The following NBAS variants were observed in gnomAD, a reference collection of about 807,000 sequenced individuals.
The protein encoded by NBAS is NAG/BC035112 fusion.
NBAS carries 219 observed loss-of-function variants against 302.5 expected under a neutral mutation model. That is an observed-to-expected ratio of 0.72 (90% CI 0.65 to 0.81). The LOEUF is 0.81. Ranked by LOEUF, NBAS falls within the 30% of genes least tolerant of loss-of-function variation. NBAS has a pLI of 0.00. For missense variants in NBAS, 2,932 were observed against 2,841.6 expected (o/e 1.03, Z -0.72); for synonymous variants, 1,118 against 1,021.6 (o/e 1.09, Z -1.80).
chr2:14,843,581 CAA>C, the NBAS span, among the ~76,000 whole-genome samples: 1 of 150,384 alleles, frequency 6.6e-6, no homozygotes, highest in African/African-American at 2.5e-5. Flanking sequence ...CACACACACA[CAA>C]AAATACCTTC....
At chr2:15,475,922 T>C (rs374186287) in intron 13 of NBAS, 42 bp from the exon 14 acceptor site, 1 of 1,480,612 alleles carries the variant, frequency 6.8e-7, no homozygotes. Flanking sequence ...CATCTGCTAA[T>C]GTGGTTTAAA....
chr2:15,346,326 A>T (rs1019269361), intron 35 of NBAS, among the ~76,000 whole-genome samples: 3 of 152,158 alleles, frequency 2.0e-5, no homozygotes, highest in Non-Finnish European at 4.4e-5. Flanking sequence ...AAACAACCCC[A>T]TCAAAAAGTG....
At chr2:14,937,099 A>G in the NBAS span, among the ~76,000 whole-genome samples, 3 of 152,358 alleles carry the variant, frequency 2.0e-5, no homozygotes, top group South Asian at 2.1e-4. Flanking sequence ...CAGAAAAAAC[A>G]TAACACAGCA....
rs1292785547 is a variant in NBAS, at chr2:15,553,409, A to C, written c.335+17T>G. On this transcript the variant is annotated intron_variant, in intron 5 of 51. Coordinates refer to ENST00000281513, the MANE Select transcript of NBAS (RefSeq NM_015909.4). Reference sequence around the variant, plus strand: ...TTCTCAAAGGAAATCTTGAATATGAATAATATTAACAATTACCTGATTTCC... The same window carrying C: ...TTCTCAAAGGAAATCTTGAATATGACTAATATTAACAATTACCTGATTTCC... The C allele has an allele frequency of 2.5e-6, 4 of 1,591,990 alleles. No individual in the cohort carries two copies. In the African/African-American group the frequency reaches 5.4e-5, roughly 21 times the overall value.
At chr2:15,262,621 T>C (rs979306183) in intron 44 of NBAS, among the ~76,000 whole-genome samples, 4 of 152,206 alleles carry the variant, frequency 2.6e-5, no homozygotes, top group African/African-American at 9.6e-5. Flanking sequence ...TAGCTTATGA[T>C]GTGTCTAAGA....
the NBAS span, among the ~76,000 whole-genome samples, chr2:14,935,951 T>G: frequency 2.6e-5 from 4 of 152,128 alleles, no homozygotes; most frequent in Admixed American, 2.0e-4. Flanking sequence ...AGCAGGAGTC[T>G]CAGTAGAACA....
At chr2:15,049,100 CT>C in the NBAS span, among the ~76,000 whole-genome samples, 1 of 148,924 alleles carries the variant, frequency 6.7e-6, no homozygotes, top group African/African-American at 2.5e-5. Flanking sequence ...TTGTGAACTG[CT>C]CGCTGCCGCT....
chr2:15,172,017 C>T (rs1168715019), intron 51 of NBAS, among the ~76,000 whole-genome samples: 3 of 152,182 alleles, frequency 2.0e-5, no homozygotes, highest in Non-Finnish European at 4.4e-5. Flanking sequence ...CAAATTAATA[C>T]ATCAGGCAAA....
intron 35 of NBAS, among the ~76,000 whole-genome samples, chr2:15,348,704 A>G (rs908570846): frequency 4.9e-5 from 7 of 144,272 alleles, no homozygotes; most frequent in Middle Eastern, 3.7e-3. Flanking sequence ...TCATTTTAGG[A>G]AAAAAAAAAA....
At chr2:15,286,243 AC>A (rs910997014) in intron 42 of NBAS, among the ~76,000 whole-genome samples, 1 of 152,134 alleles carries the variant, frequency 6.6e-6, no homozygotes, top group African/African-American at 2.4e-5. Context: ...GCCGTCTGTT[AC>A]CATAAAAGCT....
the NBAS span, among the ~76,000 whole-genome samples, chr2:15,107,974 A>G: frequency 2.0e-5 from 3 of 152,200 alleles, no homozygotes; most frequent in South Asian, 6.2e-4. Context: ...TTCCCTCAGC[A>G]TAATGTTTCT....
At chr2:15,456,293 T>C (rs774926281) in intron 21 of NBAS, among the ~76,000 whole-genome samples, 4 of 152,232 alleles carry the variant, frequency 2.6e-5, no homozygotes, top group Non-Finnish European at 2.9e-5. Flanking sequence ...CAAATGTTGG[T>C]TAAATGCCAA....
the NBAS span, among the ~76,000 whole-genome samples, chr2:15,103,924 T>G: frequency 6.6e-6 from 1 of 152,190 alleles, no homozygotes; most frequent in South Asian, 2.1e-4. Flanking sequence ...TTTTCTTTCA[T>G]GCTAAATTGT....
chr2:15,133,824 T>C, the NBAS span, among the ~76,000 whole-genome samples: 1 of 152,122 alleles, frequency 6.6e-6, no homozygotes, highest in East Asian at 1.9e-4. Flanking sequence ...AGTGAAGCCA[T>C]GGTTATTTCT....
chr2:14,888,455 C>CT, the NBAS span, among the ~76,000 whole-genome samples: 5,486 of 144,858 alleles, frequency 0.038, 325 homozygotes, highest in African/African-American at 0.13. Context: ...CCGGCCCCCC[C>CT]TTTTTTTTTT....
In NBAS at chr2:15,387,649, T is replaced by TC. The variant is rs11408370; in HGVS notation, c.3258-4333_3258-4332insG. On this transcript the variant is annotated intron_variant, in intron 28 of 51. Coordinates refer to ENST00000281513, the MANE Select transcript of NBAS (RefSeq NM_015909.4). ...TTCATCTGGAAATTATTTTTTTTTT[T>TC]AAGACAGTGTCTTACTCTGTTGCCC... Among the ~76,000 whole-genome samples the TC allele has an allele frequency of 1.9e-3, 294 of 151,938 alleles. 1 individual carries two copies. Among genetic ancestry groups the TC allele is most frequent in the African/African-American group, 6.9e-3 (284 of 41,424 alleles).
chr2:14,848,080 AT>A, the NBAS span, among the ~76,000 whole-genome samples: 1 of 152,174 alleles, frequency 6.6e-6, no homozygotes, highest in East Asian at 1.9e-4. Flanking sequence ...AGGAGCCAAG[AT>A]GGCCGAATAG....
At chr2:15,421,031 G>A (rs1040987939) in intron 23 of NBAS, among the ~76,000 whole-genome samples, 2 of 151,966 alleles carry the variant, frequency 1.3e-5, no homozygotes, top group Non-Finnish European at 2.9e-5. Flanking sequence ...AAATATGGGG[G>A]CTCTCCCAGT....
chr2:15,063,162 C>T, the NBAS span, among the ~76,000 whole-genome samples: 1 of 152,234 alleles, frequency 6.6e-6, no homozygotes, highest in Admixed American at 6.5e-5. Flanking sequence ...TTTCATCCTT[C>T]AGTTCAGTGC....
Sources: gnomAD v4.1 joint callset for allele counts (sites outside exome capture counted in the v4.1 genomes callset) on GRCh38, gnomAD v4.1.1 for gene constraint, MANE v1.5 for transcripts, NCBI Gene and HGNC (gene_info 2026-07-23, HGNC 2026-07-21) for gene names.